Variants in NMT1 observed in about 807,000 individuals in gnomAD.
NMT1 encodes the protein N-myristoyltransferase 1, also known as glycylpeptide N-tetradecanoyltransferase 1.
Under a neutral mutation model 63.4 loss-of-function variants are expected in NMT1, and 12 were observed. That is an observed-to-expected ratio of 0.19 (90% confidence interval 0.12 to 0.31). The LOEUF (loss-of-function observed/expected upper bound fraction) is 0.31, where lower values mean the gene tolerates loss of function less well. Among genes scored for constraint, NMT1 ranks in the 10% least tolerant of loss-of-function variants. The pLI is 1.00. For missense variants in NMT1, 432 were observed against 634.6 expected, an observed-to-expected ratio of 0.68 and a Z score of 3.43; for synonymous variants, 228 against 234.3, an observed-to-expected ratio of 0.97 and a Z score of 0.25.
At chr17:45,073,125 G>A (rs1057338825) in intron 1 of NMT1, among the ~76,000 whole-genome samples, 4 of 151,914 alleles carry the variant, frequency 2.6e-5, no homozygotes, top group African/African-American at 9.7e-5. Flanking sequence ...GGAAGCAGCT[G>A]TATAAGATGT....
rs571417969 is a variant in NMT1 at position 45,104,650 on chromosome 17, A to G, written c.1333-209A>G. On this transcript the variant is annotated intron_variant, in intron 10 of 11. Transcript: ENST00000258960. This position sits in a 1 kb window ranked among gnomAD's most constrained non-coding sequence, Gnocchi z 4.2. ...TACATATGTGTACACTCTGAGGGACACTGGGCAGAGGCCAGGCTGGAGGGG... is the reference window on the plus strand; with the variant it reads ...TACATATGTGTACACTCTGAGGGACGCTGGGCAGAGGCCAGGCTGGAGGGG... 1.4e-6 allele frequency: 2 copies of G among 1,414,076 alleles called. No homozygotes were observed. Among genetic ancestry groups the G allele is most frequent in the South Asian group, 1.5e-5 (1 of 65,940 alleles). 87.6% of individuals were successfully genotyped at this position (1,414,076 alleles called of 1,614,324 possible).
At chr17:45,065,764 C>A (rs1422287712) in intron 1 of NMT1, among the ~76,000 whole-genome samples, 1 of 151,686 alleles carries the variant, frequency 6.6e-6, no homozygotes, top group Non-Finnish European at 1.5e-5. Flanking sequence ...AAAATGTTCT[C>A]AAAAATCATG....
intron 3 of NMT1, 123 bp from the exon 4 acceptor site, chr17:45,093,562 A>G (rs753624453): frequency 1.4e-6 from 1 of 706,722 alleles, no homozygotes; most frequent in Non-Finnish European, 2.4e-6. Context: ...CCAAGCACAG[A>G]ATGTTCTTCA....
rs189366077 is a variant in NMT1, at chr17:45,092,316, G to A, written c.386-1369G>A. Among the ~76,000 whole-genome samples the A allele has an allele frequency of 2.8e-3, 419 of 152,296 alleles. 1 individual carries two copies. Among genetic ancestry groups the A allele is most frequent in the Non-Finnish European group, 4.4e-3 (300 of 68,018 alleles). ...GCTCAGTAATGTGTCTGATGGAAGA[G>A]GGTGAGATGATCAGTGCCAGCGGTG... On this transcript the variant is annotated intron_variant, in intron 3 of 11. Coordinates refer to ENST00000258960, the MANE Select transcript of NMT1 (RefSeq NM_021079.5).
Position 45,102,972 on chromosome 17 carries a change from C to T in NMT1, c.1015C>T (p.Arg339Ter), listed in dbSNP as rs1415777939. 3 of 1,612,324 alleles carry T rather than the reference C, an allele frequency of 1.9e-6. No individual in the cohort carries two copies. Among genetic ancestry groups the T allele is most frequent in the Non-Finnish European group, 1.7e-6 (2 of 1,178,608 alleles). ...LPETPKTAGL[R>*]PMETKDIPVV... ...CCAGACTCCCAAGACAGCTGGGCTG[C>T]GACCAATGGAAACAAAGGACATTCC... Residue 339 changes from arginine (R) to a stop codon, truncating the protein, a stop_gained, in exon 9 of 12, where the codon CGA becomes TGA. Coordinates refer to ENST00000258960, the MANE Select transcript of NMT1 (RefSeq NM_021079.5). LOFTEE classifies it high-confidence loss of function.
intron 3 of NMT1, 135 bp downstream of exon 3, chr17:45,086,787 A>G (rs2054057788): frequency 2.1e-6 from 2 of 930,676 alleles, no homozygotes; most frequent in Admixed American, 3.1e-5. Flanking sequence ...TTGTTTTCAG[A>G]GGGTGGTTTT....
At position 45,103,992 on chromosome 17, in the gene NMT1, A is replaced by G; in HGVS notation, c.1332+116A>G. 3 of 1,598,290 alleles carry G rather than the reference A, an allele frequency of 1.9e-6. No homozygotes were observed. The highest frequency in any genetic ancestry group is 2.5e-6 in the Non-Finnish European group (3 of 1,179,144). ...GGGCTGGAGGCTCTGAGCCCTCCTC[A>G]TCTGTTCTGCTTAGGCAGGGTTCCC... On this transcript the variant is annotated intron_variant, in intron 10 of 11. Coordinates refer to ENST00000258960, the MANE Select transcript of NMT1 (RefSeq NM_021079.5). This position sits in a 1 kb window ranked among gnomAD's most constrained non-coding sequence, Gnocchi z 4.8.
chr17:45,102,929 A>G, intron 8 of NMT1, 22 bp from the exon 9 acceptor site: 1 of 1,596,720 alleles, frequency 6.3e-7, no homozygotes, highest in Non-Finnish European at 8.6e-7. Flanking sequence ...ATCTCACTCC[A>G]TCTCTTCTGT....
intron 8 of NMT1, among the ~76,000 whole-genome samples, chr17:45,100,953 G>A (rs1207455690): frequency 6.3e-5 from 9 of 142,758 alleles, no homozygotes; most frequent in South Asian, 4.8e-4. Flanking sequence ...AGGCCTAGGC[G>A]AGTGGATCAC....
chr17:45,067,251 G>T (rs2053908859), intron 1 of NMT1, among the ~76,000 whole-genome samples: 1 of 151,960 alleles, frequency 6.6e-6, no homozygotes, highest in South Asian at 2.1e-4. Context: ...TAATTTGGGG[G>T]TAATAAGTGA....
intron 4 of NMT1, among the ~76,000 whole-genome samples, chr17:45,094,518 A>T (rs546672647): frequency 0.017 from 2,432 of 140,536 alleles, 52 homozygotes; most frequent in South Asian, 0.066. Context: ...AGTCAACAGA[A>T]TTTTTTTTTT....
chr17:45,095,511 A>G (rs539442193), intron 4 of NMT1, among the ~76,000 whole-genome samples: 81 of 152,328 alleles, frequency 5.3e-4, no homozygotes, highest in African/African-American at 1.9e-3. Context: ...CTGTAATTCC[A>G]ACAATTTGGG....
At chr17:45,099,565 C>T (rs2054148189) in intron 8 of NMT1, 52 bp downstream of exon 8, 5 of 1,333,454 alleles carry the variant, frequency 3.7e-6, no homozygotes, top group Non-Finnish European at 5.4e-6. Flanking sequence ...GCAAGGAGAG[C>T]CTGGCTGTCA....
chr17:45,090,719 T>C (rs2054082314), intron 3 of NMT1, among the ~76,000 whole-genome samples: 1 of 152,068 alleles, frequency 6.6e-6, no homozygotes, highest in African/African-American at 2.4e-5. Context: ...GAGGGAAGAG[T>C]GTGCAGAAAG....
At chr17:45,094,815 T>C (rs2054113319) in intron 4 of NMT1, among the ~76,000 whole-genome samples, 1 of 42,776 alleles carries the variant, frequency 2.3e-5, no homozygotes, top group Non-Finnish European at 5.5e-5. Context: ...TAGGCCTGGC[T>C]TTTTTTTTTT....
chr17:45,107,819 G>A lies in NMT1; in HGVS notation c.*2180G>A, dbSNP rs2054212181. 6.6e-6 allele frequency: 1 copy of A among 152,340 alleles called. No homozygotes were observed. Among genetic ancestry groups the A allele is most frequent in the African/African-American group, 2.4e-5 (1 of 41,448 alleles). The allele number at this position is 152,340 out of a possible 1,614,324, so 9.4% of individuals were successfully genotyped here. On this transcript the variant is annotated 3_prime_UTR_variant, in exon 12 of 12. Transcript: ENST00000258960. ...CGGTGAGGCCCCAGTGGCTGTTCTG[G>A]AAGAAACAGATCTCCTGGCAAAGGC...
intron 4 of NMT1, among the ~76,000 whole-genome samples, chr17:45,095,649 G>A (rs1433904837): frequency 4.6e-5 from 7 of 152,170 alleles, no homozygotes; most frequent in African/African-American, 1.7e-4. Context: ...GTATGCCCCA[G>A]TAGTCTCAGC....
chr17:45,071,805 A>C (rs1396566994), intron 1 of NMT1, among the ~76,000 whole-genome samples: 1 of 151,814 alleles, frequency 6.6e-6, no homozygotes, highest in Non-Finnish European at 1.5e-5. Context: ...GTCGTGGGGC[A>C]CTACTACATC....
rs2054187922 is a variant in NMT1, at chr17:45,104,152, C to T, written c.1332+276C>T. 1 of 1,341,478 alleles carries T rather than the reference C, an allele frequency of 7.5e-7. No individual in the cohort carries two copies. The highest frequency in any genetic ancestry group is 9.6e-7 in the Non-Finnish European group (1 of 1,038,560). 83.1% of individuals were successfully genotyped at this position (1,341,478 alleles called of 1,614,324 possible). ...CCACCAAGGAGCCTGAATAGCCAGGCCTTCCCTGGGAGGACAGGGCTTCTC... is the reference window on the plus strand; with the variant it reads ...CCACCAAGGAGCCTGAATAGCCAGGTCTTCCCTGGGAGGACAGGGCTTCTC... On this transcript the variant is annotated intron_variant, in intron 10 of 11. Transcript: ENST00000258960. The surrounding 1 kb of genome is among the most constrained non-coding windows in gnomAD (Gnocchi z 4.2).
Sources: gnomAD v4.1 joint callset for allele counts (sites outside exome capture counted in the v4.1 genomes callset) on GRCh38, gnomAD v4.1.1 for gene constraint, Gnocchi (gnomAD v3.1) non-coding constraint, MANE v1.5 for transcripts, NCBI Gene and HGNC (gene_info 2026-07-23, HGNC 2026-07-21) for gene names.